The following POFUT3 variants were observed in gnomAD, a reference collection of about 807,000 sequenced individuals.
POFUT3 encodes protein O-fucosyltransferase 3, also known as GDP-fucose protein O-fucosyltransferase 3.
At chr8:33,420,414 C>G in the POFUT3 span, among the ~76,000 whole-genome samples, 1 of 152,098 alleles carries the variant, frequency 6.6e-6, no homozygotes, top group Non-Finnish European at 1.5e-5. Context: ...GAGGAAGAGA[C>G]AGTGTGGGAA....
the POFUT3 span, among the ~76,000 whole-genome samples, chr8:33,422,544 T>TAA: frequency 7.3e-5 from 1 of 13,658 alleles, no homozygotes; most frequent in Non-Finnish European, 1.2e-4. Context: ...AAACTCTGTC[T>TAA]CAAAAAAAAA....
chr8:33,379,119 G>C, the POFUT3 span, among the ~76,000 whole-genome samples: 5 of 151,946 alleles, frequency 3.3e-5, no homozygotes, highest in Admixed American at 2.6e-4. Context: ...GTCGTGGTAA[G>C]ATGTGTTTGT....
chr8:33,313,597 C>T, the POFUT3 span, among the ~76,000 whole-genome samples: 220 of 151,826 alleles, frequency 1.4e-3, 1 homozygote, highest in African/African-American at 4.9e-3. Context: ...ACAGAACTGA[C>T]ATCCTCCCTA....
the POFUT3 span, among the ~76,000 whole-genome samples, chr8:33,472,270 G>A: frequency 6.6e-6 from 1 of 152,220 alleles, no homozygotes. Flanking sequence ...TATTATTGCA[G>A]GGAGCTGCAG....
chr8:33,467,998 G>A, the POFUT3 span, among the ~76,000 whole-genome samples: 2 of 152,156 alleles, frequency 1.3e-5, no homozygotes, highest in Admixed American at 6.6e-5. Flanking sequence ...CCAACACTGT[G>A]GGAGGCCAAG....
At chr8:33,321,674 G>A in the POFUT3 span, among the ~76,000 whole-genome samples, 1 of 152,094 alleles carries the variant, frequency 6.6e-6, no homozygotes, top group Non-Finnish European at 1.5e-5. Flanking sequence ...CTCAATGGGG[G>A]AATGACATGC....
At chr8:33,357,597 T>C in the POFUT3 span, among the ~76,000 whole-genome samples, 1 of 151,924 alleles carries the variant, frequency 6.6e-6, no homozygotes, top group South Asian at 2.1e-4. Flanking sequence ...TGTATATACC[T>C]CTTAAGTTTT....
chr8:33,436,729 AG>A, the POFUT3 span: 1 of 671,176 alleles, frequency 1.5e-6, no homozygotes, highest in Non-Finnish European at 2.6e-6. Context: ...AGAAATCAGC[AG>A]GGCCTCCTCC....
chr8:33,324,448 C>T, the POFUT3 span, among the ~76,000 whole-genome samples: 3 of 152,090 alleles, frequency 2.0e-5, no homozygotes, highest in African/African-American at 7.2e-5. Flanking sequence ...TCTCAAATGT[C>T]CAGCCAAAAC....
chr8:33,342,285 A>G, the POFUT3 span, among the ~76,000 whole-genome samples: 1 of 152,094 alleles, frequency 6.6e-6, no homozygotes, highest in African/African-American at 2.4e-5. Flanking sequence ...CAAGCCCAGG[A>G]AGTTGAGGCT....
chr8:33,390,205 T>TACAC, the POFUT3 span, among the ~76,000 whole-genome samples: 34 of 145,786 alleles, frequency 2.3e-4, no homozygotes, highest in African/African-American at 6.7e-4. Flanking sequence ...GTGTGTGTCA[T>TACAC]ACACACACAC....
chr8:33,349,629 C>G, the POFUT3 span, among the ~76,000 whole-genome samples: 1 of 152,148 alleles, frequency 6.6e-6, no homozygotes, highest in Non-Finnish European at 1.5e-5. Flanking sequence ...CTTTTTATGG[C>G]TGAGTAGTAG....
the POFUT3 span, among the ~76,000 whole-genome samples, chr8:33,370,169 TAAAAAAAAAAAAAAAAAAAA>T: frequency 0.088 from 3,527 of 39,948 alleles, 211 homozygotes; most frequent in African/African-American, 0.22. Context: ...CCATCTTTAC[TAAAAAAAAAAAAAAAAAAAA>T]AAAAAAAAAA....
the POFUT3 span, chr8:33,461,658 T>C: frequency 5.3e-6 from 8 of 1,519,686 alleles, no homozygotes; most frequent in African/African-American, 9.6e-5. Context: ...GGAAGCAGCA[T>C]GCAGTCTTCT....
chr8:33,413,738 C>T, the POFUT3 span, among the ~76,000 whole-genome samples: 8 of 152,132 alleles, frequency 5.3e-5, no homozygotes, highest in African/African-American at 1.9e-4. Context: ...TATCACAGTG[C>T]CTTCTGCCAT....
At chr8:33,441,938 C>T in the POFUT3 span, among the ~76,000 whole-genome samples, 2 of 151,966 alleles carry the variant, frequency 1.3e-5, no homozygotes, top group African/African-American at 4.8e-5. Context: ...TAGGTTTGGG[C>T]ACCTGTCACT....
the POFUT3 span, among the ~76,000 whole-genome samples, chr8:33,340,703 A>G: frequency 5.3e-5 from 8 of 152,142 alleles, no homozygotes; most frequent in Non-Finnish European, 1.2e-4. Context: ...TAGGGACATT[A>G]CAGAAAGACA....
the POFUT3 span, among the ~76,000 whole-genome samples, chr8:33,331,024 T>A: frequency 2.0e-5 from 3 of 152,070 alleles, no homozygotes; most frequent in African/African-American, 2.4e-5. Context: ...AACAAATATT[T>A]ATTCAATTAA....
At chr8:33,387,228 G>A in the POFUT3 span, among the ~76,000 whole-genome samples, 1 of 151,778 alleles carries the variant, frequency 6.6e-6, no homozygotes, top group Non-Finnish European at 1.5e-5. Flanking sequence ...TTCATGTTGT[G>A]GACCAAGACA....
Sources: allele counts gnomAD v4.1 joint callset (sites outside exome capture counted in the v4.1 genomes callset), GRCh38; gene constraint gnomAD v4.1.1; transcripts MANE v1.5; gene names NCBI Gene and HGNC (gene_info 2026-07-23, HGNC 2026-07-21).